The following TBL1XR1 variants were observed in gnomAD, a reference collection of about 807,000 sequenced individuals.
TBL1XR1 encodes the protein F-box-like/WD repeat-containing protein TBL1XR1.
Under a neutral mutation model 66.9 loss-of-function variants are expected in TBL1XR1, and 5 were observed. The observed-to-expected ratio is 0.07, with a 90% CI of 0.04 to 0.16. The LOEUF is 0.16. TBL1XR1 is among the 10% of genes least tolerant of loss of function. The probability of loss-of-function intolerance (pLI) is 1.00; values close to 1 mark genes in which losing one functional copy is unlikely to be tolerated. For synonymous variants in TBL1XR1, 210 were observed against 206.0 expected, an observed-to-expected ratio of 1.02 and a Z score of -0.17; for missense variants, 238 against 623.2, an observed-to-expected ratio of 0.38 and a Z score of 6.58.
intron 1 of TBL1XR1, among the ~76,000 whole-genome samples, chr3:177,144,475 C>G (rs1307593368): frequency 6.6e-6 from 1 of 152,000 alleles, no homozygotes; most frequent in East Asian, 1.9e-4. Flanking sequence ...ATAACCTGGC[C>G]GGGCGCGGTG....
chr3:177,067,549 C>T (rs1719326404), intron 2 of TBL1XR1, among the ~76,000 whole-genome samples: 1 of 152,066 alleles, frequency 6.6e-6, no homozygotes, highest in Non-Finnish European at 1.5e-5. Context: ...TAAATTATTG[C>T]TTTTAAAAAT....
intron 2 of TBL1XR1, among the ~76,000 whole-genome samples, chr3:177,098,182 A>G (rs868561646): frequency 6.6e-6 from 1 of 152,110 alleles, no homozygotes; most frequent in South Asian, 2.1e-4. Context: ...ATTGCACTCC[A>G]GCCTGGCCAA....
At chr3:177,033,231 A>G (rs1714259763) in intron 13 of TBL1XR1, 95 bp from the exon 14 acceptor site, 2 of 1,109,754 alleles carry the variant, frequency 1.8e-6, no homozygotes, top group Non-Finnish European at 2.4e-6. Flanking sequence ...CAAATCTAAT[A>G]GCCAAAATTC....
chr3:177,158,864 C>A (rs947862607), intron 1 of TBL1XR1, among the ~76,000 whole-genome samples: 69 of 152,222 alleles, frequency 4.5e-4, no homozygotes, highest in African/African-American at 1.6e-3. Flanking sequence ...AGATATCATT[C>A]TTCTATAAAC....
intron 1 of TBL1XR1, among the ~76,000 whole-genome samples, chr3:177,186,700 T>A (rs568908525): frequency 6.6e-6 from 1 of 152,324 alleles, no homozygotes; most frequent in African/African-American, 2.4e-5. Flanking sequence ...GTCACATACT[T>A]TCCAGACTAT....
intron 1 of TBL1XR1, among the ~76,000 whole-genome samples, chr3:177,106,718 A>C (rs954952110): frequency 1.3e-5 from 2 of 152,212 alleles, no homozygotes; most frequent in Non-Finnish European, 2.9e-5. Context: ...TTATAAAGGA[A>C]GCTCCTTCCT....
rs145632171 is a variant in TBL1XR1, at chr3:177,163,173, T to C, written c.-122+33948A>G. On this transcript the variant is annotated intron_variant, in intron 1 of 15. Transcript: ENST00000457928. ...ATCAATGAAGGGACCGGTTAAACTA[T>C]GGAGTACCAATACAGTAAAATGTCT... is the stretch of plus-strand genomic sequence containing the variant. Among the ~76,000 whole-genome samples the C allele has an allele frequency of 2.2e-4, 33 of 152,162 alleles. No homozygotes were observed. The East Asian group carries it at 5.4e-3, about 25-fold the overall frequency.
chr3:177,077,810 T>C (rs1015490414), intron 2 of TBL1XR1, among the ~76,000 whole-genome samples: 1 of 152,230 alleles, frequency 6.6e-6, no homozygotes, highest in Non-Finnish European at 1.5e-5. Flanking sequence ...GTCTGGCTAC[T>C]TTCCTCCTGT....
At chr3:177,091,364 A>G (rs1260900889) in intron 2 of TBL1XR1, among the ~76,000 whole-genome samples, 1 of 152,018 alleles carries the variant, frequency 6.6e-6, no homozygotes, top group Non-Finnish European at 1.5e-5. Flanking sequence ...ACTTTTGTTT[A>G]ATACATTATT....
chr3:177,194,056 ACTCTTACCGAATC>A (rs1167385108), intron 1 of TBL1XR1: 2 of 152,162 alleles, frequency 1.3e-5, no homozygotes, highest in Admixed American at 6.5e-5. Flanking sequence ...AATTAATTGC[ACTCTTACCGAATC>A]CAATCCCAGA....
At chr3:177,179,794 C>G (rs896773511) in intron 1 of TBL1XR1, among the ~76,000 whole-genome samples, 1 of 152,020 alleles carries the variant, frequency 6.6e-6, no homozygotes, top group South Asian at 2.1e-4. Flanking sequence ...GCCAACCAAC[C>G]GATATATCTA....
rs1357475785 is a variant in TBL1XR1, at chr3:177,131,488, AAC to A, written c.-121-32949_-121-32948del. 1.1e-5 allele frequency: 8 copies of A among 741,678 alleles called. No homozygotes were observed. The East Asian group carries it at 9.3e-4, about 86-fold the overall frequency. 45.9% of individuals were successfully genotyped at this position (741,678 alleles called of 1,614,324 possible). On this transcript the variant is annotated intron_variant, in intron 1 of 15. Transcript: ENST00000457928. ...AAACAAAAAAAAACTAAATTAAAAA[AAC>A]ACATTGTCATTCTGAATATCTTTTT...
chr3:177,091,894 A>G (rs1294935856), intron 2 of TBL1XR1, among the ~76,000 whole-genome samples: 1 of 152,198 alleles, frequency 6.6e-6, no homozygotes, highest in Non-Finnish European at 1.5e-5. Context: ...TGTTACACAT[A>G]ATAAAAGCTT....
At chr3:177,134,186 C>T (rs527495338) in intron 1 of TBL1XR1, among the ~76,000 whole-genome samples, 3 of 152,246 alleles carry the variant, frequency 2.0e-5, no homozygotes, top group African/African-American at 7.2e-5. Context: ...TTCTTTATTC[C>T]TGTTTTTGTT....
chr3:177,030,484 A>T (rs892541444), intron 14 of TBL1XR1, among the ~76,000 whole-genome samples: 1 of 152,072 alleles, frequency 6.6e-6, no homozygotes, highest in Admixed American at 6.5e-5. Flanking sequence ...ATAGTAGTAT[A>T]TATCATTTAT....
At chr3:177,112,624 T>A in intron 1 of TBL1XR1, among the ~76,000 whole-genome samples, 1 of 152,162 alleles carries the variant, frequency 6.6e-6, no homozygotes, top group East Asian at 1.9e-4. Context: ...CATAATATTG[T>A]CCGTTTTAAA....
At chr3:177,199,877 A>G (rs1737307319), upstream of TBL1XR1, among the ~76,000 whole-genome samples, 1 of 152,192 alleles carries the variant, frequency 6.6e-6, no homozygotes, top group African/African-American at 2.4e-5. Flanking sequence ...AAATATGAAG[A>G]TCATCGAGGC....
intron 4 of TBL1XR1, among the ~76,000 whole-genome samples, chr3:177,052,705 T>C (rs1205395585): frequency 1.3e-5 from 2 of 152,180 alleles, no homozygotes; most frequent in South Asian, 2.1e-4. Context: ...GTAATAATCA[T>C]TGATACAGAA....
At chr3:177,163,511 A>G (rs1577354219) in intron 1 of TBL1XR1, among the ~76,000 whole-genome samples, 1 of 146,570 alleles carries the variant, frequency 6.8e-6, no homozygotes, top group Non-Finnish European at 1.5e-5. Flanking sequence ...ACTCCGTCTG[A>G]AAAAAAAAAA....
Sources: allele counts gnomAD v4.1 joint callset (sites outside exome capture counted in the v4.1 genomes callset), GRCh38; gene constraint gnomAD v4.1.1; transcripts MANE v1.5; gene names NCBI Gene and HGNC (gene_info 2026-07-23, HGNC 2026-07-21).